ADORA1: variants seen among roughly 807,000 people sequenced by gnomAD.
ADORA1 encodes the protein adenosine A1 receptor.
ADORA1 carries 6 observed loss-of-function variants against 19.9 expected under a neutral mutation model. The ratio of observed to expected loss-of-function variants is 0.30; its 90% CI spans 0.17 to 0.59. ADORA1 has a LOEUF of 0.59. Among genes scored for constraint, ADORA1 ranks in the 20% least tolerant of loss-of-function variants. The pLI is 0.87. For synonymous variants in ADORA1, 194 were observed against 188.4 expected (o/e 1.03, Z -0.24); for missense variants, 302 against 439.2 (o/e 0.69, Z 2.79).
At chr1:203,162,215 A>G (rs1655395484) in intron 3 of ADORA1, among the ~76,000 whole-genome samples, 1 of 152,188 alleles carries the variant, frequency 6.6e-6, no homozygotes, top group Admixed American at 6.5e-5. Flanking sequence ...GCCCCACCTC[A>G]GCCAAGGTCT....
chr1:203,135,912 C>T (rs528560100), intron 3 of ADORA1, among the ~76,000 whole-genome samples: 1 of 152,310 alleles, frequency 6.6e-6, no homozygotes, highest in African/African-American at 2.4e-5. Context: ...TAGCCCACTT[C>T]CCCTTCTGGG....
intron 3 of ADORA1, 121 bp downstream of exon 3, chr1:203,129,303 G>C: frequency 6.8e-7 from 1 of 1,463,950 alleles, no homozygotes; most frequent in Admixed American, 2.6e-5. Context: ...TTGGGCCATC[G>C]TGCTCCAGTC....
At chr1:203,146,705 A>T (rs1222759342) in intron 3 of ADORA1, among the ~76,000 whole-genome samples, 1 of 151,942 alleles carries the variant, frequency 6.6e-6, no homozygotes, top group Non-Finnish European at 1.5e-5. Flanking sequence ...CCAAGCTAAG[A>T]GGTCTGAGAT....
intron 3 of ADORA1, 46 bp downstream of exon 3, chr1:203,129,228 G>A (rs1238574142): frequency 4.5e-6 from 7 of 1,557,096 alleles, no homozygotes; most frequent in Non-Finnish European, 6.1e-6. Flanking sequence ...CATGATGGCT[G>A]GCTTGAGGGC....
chr1:203,147,153 A>G (rs1390889126), intron 3 of ADORA1, among the ~76,000 whole-genome samples: 1 of 152,230 alleles, frequency 6.6e-6, no homozygotes, highest in East Asian at 1.9e-4. Flanking sequence ...GCAACCACAG[A>G]ACCTGCTCTT....
intron 3 of ADORA1, among the ~76,000 whole-genome samples, chr1:203,138,647 G>A (rs544309512): frequency 3.9e-5 from 6 of 152,282 alleles, no homozygotes; most frequent in Non-Finnish European, 8.8e-5. Flanking sequence ...CAATGTCAAA[G>A]GAGTGATGGG....
intron 3 of ADORA1, among the ~76,000 whole-genome samples, chr1:203,162,108 G>A (rs1191586084): frequency 6.6e-6 from 1 of 152,170 alleles, no homozygotes; most frequent in Admixed American, 6.5e-5. Flanking sequence ...TACCCCATGC[G>A]TGCCCCAGGA....
chr1:203,165,525 G>C lies in ADORA1; in HGVS notation c.606G>C (p.Glu202Asp). 2 of 1,613,786 alleles carry C rather than the reference G, an allele frequency of 1.2e-6. No individual in the cohort carries two copies. Among genetic ancestry groups the C allele is most frequent in the Non-Finnish European group, 1.7e-6 (2 of 1,179,760 alleles). ...TCCTCATGGTCCTCATCTACCTGGA[G>C]GTCTTCTACCTAATCCGCAAGCAGC... ...PLLLMVLIYLEVFYLIRKQLN... is the reference protein window; with the variant it reads ...PLLLMVLIYLDVFYLIRKQLN... The change falls in exon 4 of 4, where the codon GAG (glutamate) becomes GAC (aspartate). Residue 202 changes from glutamate (E) to aspartate (D), a missense_variant. Physicochemically the swap from Glu to Asp is conservative, Grantham distance 45. Coordinates refer to ENST00000337894, the MANE Select transcript of ADORA1 (RefSeq NM_000674.3). This position sits in a 1 kb window ranked among gnomAD's most constrained non-coding sequence, Gnocchi z 5.9.
intron 3 of ADORA1, among the ~76,000 whole-genome samples, chr1:203,137,528 C>T (rs893012320): frequency 3.9e-5 from 6 of 152,074 alleles, no homozygotes; most frequent in East Asian, 1.9e-4. Context: ...AGGGTGCAAA[C>T]GGGAGTAGTT....
Position 203,128,286 on chromosome 1 carries a change from G to T in ADORA1, c.-204G>T. 1 of 1,270,548 alleles carries T rather than the reference G, an allele frequency of 7.9e-7. No individual in the cohort carries two copies. Among genetic ancestry groups the T allele is most frequent in the Non-Finnish European group, 1.0e-6 (1 of 974,252 alleles). 78.7% of individuals were successfully genotyped at this position (1,270,548 alleles called of 1,614,324 possible). On this transcript the variant is annotated 5_prime_UTR_variant, in exon 2 of 4. Transcript: ENST00000337894. This position sits in a 1 kb window ranked among gnomAD's most constrained non-coding sequence, Gnocchi z 5.9. ...ATGTGATTGCTTGAAAGGCCGGGCT[G>T]GGAGCGCTGCGGCGGGAGCCGGAGG...
At position 203,128,831 on chromosome 1, in the gene ADORA1, C is replaced by A; in HGVS notation, c.-11C>A. 6.3e-7 allele frequency: 1 copy of A among 1,581,492 alleles called. No homozygotes were observed. Among genetic ancestry groups the A allele is most frequent in the Non-Finnish European group, 8.6e-7 (1 of 1,167,258 alleles). ...GTGCCCGTCTGCTGATGTGCCCAGC[C>A]TGTGCCCGCCATGCCGCCCTCCATC... is the stretch of plus-strand genomic sequence containing the variant. On this transcript the variant is annotated 5_prime_UTR_variant, in exon 3 of 4. It adds an upstream start codon to the 5' untranslated region. Transcript: ENST00000337894. This position sits in a 1 kb window ranked among gnomAD's most constrained non-coding sequence, Gnocchi z 5.9.
intron 3 of ADORA1, among the ~76,000 whole-genome samples, chr1:203,159,361 C>T (rs1210298547): frequency 1.3e-5 from 2 of 152,234 alleles, no homozygotes; most frequent in South Asian, 4.1e-4. Context: ...TTGCTGCAGC[C>T]CTCTCAGCCC....
intron 3 of ADORA1, among the ~76,000 whole-genome samples, chr1:203,144,414 T>A (rs1179711395): frequency 1.3e-5 from 2 of 152,242 alleles, no homozygotes; most frequent in Non-Finnish European, 2.9e-5. Context: ...TGCTAGGCCC[T>A]GTGCTAAATA....
intron 3 of ADORA1, chr1:203,150,833 C>A: frequency 7.8e-7 from 1 of 1,283,228 alleles, no homozygotes; most frequent in Non-Finnish European, 1.0e-6. Flanking sequence ...TCTGTTGAAT[C>A]TTTTCCAGGG....
intron 3 of ADORA1, chr1:203,150,654 G>A: frequency 5.4e-6 from 7 of 1,289,736 alleles, no homozygotes; most frequent in Non-Finnish European, 7.1e-6. Flanking sequence ...GTGTCTTCTT[G>A]AGTTCTGATG....
At position 203,164,615 on chromosome 1, in the gene ADORA1, A is replaced by G. The variant is rs562053257; in HGVS notation, c.342-646A>G. Among the ~76,000 whole-genome samples the G allele has an allele frequency of 2.6e-5, 4 of 152,176 alleles. No homozygotes were observed. In the East Asian group the frequency reaches 7.7e-4, roughly 29 times the overall value. ...AAGGGGAAACAGGAGGTTCATATGG[A>G]GGTGGGAGATGGGGCATGGCAGGGG... On this transcript the variant is annotated intron_variant, in intron 3 of 3. Coordinates refer to ENST00000337894, the MANE Select transcript of ADORA1 (RefSeq NM_000674.3).
Position 203,128,340 on chromosome 1 carries a change from C to T in ADORA1, c.-150C>T, listed in dbSNP as rs1654219317. ...ATGAGCTGCCGCGCGTTGTCCAGAG[C>T]CCAGCCCAGCCCTACCGCGCGCGGC... is the stretch of plus-strand genomic sequence containing the variant. On this transcript the variant is annotated 5_prime_UTR_variant, in exon 2 of 4. Coordinates refer to ENST00000337894, the MANE Select transcript of ADORA1 (RefSeq NM_000674.3). The surrounding 1 kb of genome is among the most constrained non-coding windows in gnomAD (Gnocchi z 5.9). The T allele has an allele frequency of 6.2e-6, 8 of 1,289,414 alleles. No homozygotes were observed. The highest frequency in any genetic ancestry group is 7.1e-6 in the Non-Finnish European group (7 of 988,848). The allele number at this position is 1,289,414 out of a possible 1,614,324, so 79.9% of individuals were successfully genotyped here.
At chr1:203,131,867 G>A (rs1654351776) in intron 3 of ADORA1, among the ~76,000 whole-genome samples, 1 of 152,174 alleles carries the variant, frequency 6.6e-6, no homozygotes, top group Admixed American at 6.5e-5. Context: ...AGGTCCCCAG[G>A]CACCAGGCTT....
chr1:203,158,677 C>T (rs1230133585), intron 3 of ADORA1, among the ~76,000 whole-genome samples: 1 of 152,164 alleles, frequency 6.6e-6, no homozygotes, highest in Non-Finnish European at 1.5e-5. Flanking sequence ...CTGTCTTAGT[C>T]CATTTTGTGC....
Sources: allele counts gnomAD v4.1 joint callset (sites outside exome capture counted in the v4.1 genomes callset), GRCh38; gene constraint gnomAD v4.1.1; non-coding constraint Gnocchi (gnomAD v3.1); transcripts MANE v1.5; gene names NCBI Gene and HGNC (gene_info 2026-07-23, HGNC 2026-07-21).